ANKS1A: variants seen among roughly 807,000 people sequenced by gnomAD.
The protein encoded by ANKS1A is ankyrin repeat and SAM domain-containing protein 1A.
In ANKS1A, 55 loss-of-function variants were observed where a neutral mutation model predicts 120.3. The ratio of observed to expected loss-of-function variants is 0.46; its 90% confidence interval spans 0.37 to 0.57. ANKS1A has a LOEUF of 0.57. ANKS1A is among the 20% of genes least tolerant of loss of function. The probability of loss-of-function intolerance (pLI) is 0.00; values close to 1 mark genes in which losing one functional copy is unlikely to be tolerated. For missense variants in ANKS1A, 1,123 were observed against 1,480.3 expected (o/e 0.76, Z 3.96); for synonymous variants, 590 against 604.7 (o/e 0.98, Z 0.36).
chr6:35,094,458 A>T (rs1053424930), downstream of ANKS1A, among the ~76,000 whole-genome samples: 1 of 151,588 alleles, frequency 6.6e-6, no homozygotes. Context: ...AAAAAAAAAG[A>T]TATCAGCACC....
chr6:35,056,414 G>A (rs1356635107), intron 12 of ANKS1A, among the ~76,000 whole-genome samples: 4 of 152,074 alleles, frequency 2.6e-5, no homozygotes, highest in Admixed American at 6.5e-5. Flanking sequence ...TCAGCCTCCC[G>A]AGTAGCTGGG....
At chr6:35,066,565 G>T (rs189204365) in intron 13 of ANKS1A, among the ~76,000 whole-genome samples, 2 of 151,982 alleles carry the variant, frequency 1.3e-5, no homozygotes, top group African/African-American at 4.8e-5. Context: ...GAGTGGGGGG[G>T]TGCTTTCATG....
chr6:34,912,972 T>C (rs1334184842), intron 1 of ANKS1A, among the ~76,000 whole-genome samples: 1 of 152,188 alleles, frequency 6.6e-6, no homozygotes, highest in East Asian at 1.9e-4. Flanking sequence ...TGAGTTTCCT[T>C]TCCTGTCCTT....
At chr6:35,079,250 AC>A (rs34246457) in intron 14 of ANKS1A, among the ~76,000 whole-genome samples, 2,808 of 150,050 alleles carry the variant, frequency 0.019, 82 homozygotes, top group African/African-American at 0.063. Flanking sequence ...CGTTCTGCAG[AC>A]CCCCCCTCCC....
At chr6:35,074,271 C>T (rs1581739612) in intron 13 of ANKS1A, among the ~76,000 whole-genome samples, 1 of 152,324 alleles carries the variant, frequency 6.6e-6, no homozygotes. Flanking sequence ...CTCAGCTCAG[C>T]CGTTCGCTTT....
chr6:35,033,801 C>A (rs116020875), intron 11 of ANKS1A, among the ~76,000 whole-genome samples: 1 of 152,188 alleles, frequency 6.6e-6, no homozygotes, highest in African/African-American at 2.4e-5. Context: ...GATGCATTAA[C>A]GTCTCTCTGT....
chr6:35,097,066 A>G, the ANKS1A span, among the ~76,000 whole-genome samples: 10 of 152,000 alleles, frequency 6.6e-5, no homozygotes, highest in African/African-American at 1.7e-4. Flanking sequence ...AGGTCTTTCA[A>G]ATTAATGGCT....
At position 35,089,045 on chromosome 6, in the gene ANKS1A, G is replaced by A. The variant is rs1778156745; in HGVS notation, c.*436G>A. ...AGCCTCTGTCCTCAGGACGGAACTT[G>A]GGTGCAGCTCAGTGGGTCGGAAGAG... On this transcript the variant is annotated 3_prime_UTR_variant, in exon 24 of 24. Transcript: ENST00000360359. 3 of 1,084,584 alleles carry A rather than the reference G, an allele frequency of 2.8e-6. No individual in the cohort carries two copies. Among genetic ancestry groups the A allele is most frequent in the Non-Finnish European group, 3.4e-6 (3 of 888,264 alleles). 67.2% of individuals were successfully genotyped at this position (1,084,584 alleles called of 1,614,324 possible).
rs543552453 is a variant in ANKS1A, at chr6:35,054,654, TGACTCA to T, written c.2077+491_2077+496del. Among the ~76,000 whole-genome samples the T allele has an allele frequency of 2.4e-3, 370 of 152,324 alleles. 2 individuals carry two copies. Among genetic ancestry groups the T allele is most frequent in the African/African-American group, 8.4e-3 (348 of 41,582 alleles). On this transcript the variant is annotated intron_variant, in intron 12 of 23. Coordinates refer to ENST00000360359, the MANE Select transcript of ANKS1A (RefSeq NM_015245.3). Reference sequence around the variant, plus strand: ...TCCTCTTCCCACAGCTCCTTGTGCCTGACTCAGTTTACTTCATCACTTACCATTCTT... The same window carrying T: ...TCCTCTTCCCACAGCTCCTTGTGCCTGTTTACTTCATCACTTACCATTCTT...
At chr6:35,069,371 C>G (rs1330459420) in intron 13 of ANKS1A, among the ~76,000 whole-genome samples, 1 of 151,918 alleles carries the variant, frequency 6.6e-6, no homozygotes, top group Admixed American at 6.6e-5. Flanking sequence ...GGGTCAGGCT[C>G]TCAGCTCCAG....
At position 35,090,402 on chromosome 6, in the gene ANKS1A, G is replaced by T; in HGVS notation, c.*1793G>T. ...CACATCCAAGTGGGCCTCTGTCGGG[G>T]GCGGGGCGGTAGGTCCGAAAGAAAC... On this transcript the variant is annotated 3_prime_UTR_variant, in exon 24 of 24. Transcript: ENST00000360359. 1 of 1,213,034 alleles carries T rather than the reference G, an allele frequency of 8.2e-7. No individual in the cohort carries two copies. Among genetic ancestry groups the T allele is most frequent in the East Asian group, 5.8e-5 (1 of 17,338 alleles). The allele number at this position is 1,213,034 out of a possible 1,614,324, so 75.1% of individuals were successfully genotyped here. A position where few individuals can be genotyped will look rare whatever the true frequency, so the allele number is the denominator to read the frequency against.
chr6:35,056,947 C>T (rs921675344), intron 12 of ANKS1A, among the ~76,000 whole-genome samples: 1 of 151,920 alleles, frequency 6.6e-6, no homozygotes, highest in Non-Finnish European at 1.5e-5. Flanking sequence ...AATGGAATCA[C>T]TGTTTATTTT....
intron 1 of ANKS1A, among the ~76,000 whole-genome samples, chr6:34,959,707 C>A (rs1480812460): frequency 6.6e-6 from 1 of 152,136 alleles, no homozygotes; most frequent in Non-Finnish European, 1.5e-5. Flanking sequence ...CTTGCTTTTG[C>A]GATTCTTATT....
chr6:35,075,017 C>G (rs148601920), intron 13 of ANKS1A, among the ~76,000 whole-genome samples: 197 of 152,258 alleles, frequency 1.3e-3, no homozygotes, highest in Middle Eastern at 6.8e-3. Flanking sequence ...GAAAGAGGCC[C>G]AGAAATACAC....
chr6:34,936,055 C>A (rs1769238455), intron 1 of ANKS1A, among the ~76,000 whole-genome samples: 1 of 130,924 alleles, frequency 7.6e-6, no homozygotes, highest in South Asian at 2.6e-4. Flanking sequence ...GAGCGAGACT[C>A]CGTCTCAAAA....
chr6:35,073,953 C>T (rs779626202), intron 13 of ANKS1A, among the ~76,000 whole-genome samples: 1 of 152,240 alleles, frequency 6.6e-6, no homozygotes, highest in East Asian at 1.9e-4. Flanking sequence ...GAGGACCCCG[C>T]GCTGCGCCCG....
chr6:35,015,272 A>C (rs1188595695), intron 10 of ANKS1A, among the ~76,000 whole-genome samples: 1 of 152,182 alleles, frequency 6.6e-6, no homozygotes, highest in Non-Finnish European at 1.5e-5. Flanking sequence ...CAAGGCAGGC[A>C]GATCACTTGA....
intron 1 of ANKS1A, among the ~76,000 whole-genome samples, chr6:34,936,056 C>T (rs1208073736): frequency 2.6e-5 from 3 of 114,378 alleles, no homozygotes; most frequent in Non-Finnish European, 5.1e-5. Context: ...AGCGAGACTC[C>T]GTCTCAAAAA....
intron 6 of ANKS1A, 33 bp downstream of exon 6, chr6:34,983,247 G>A (rs76989831): frequency 0.023 from 37,881 of 1,612,282 alleles, 524 homozygotes; most frequent in Non-Finnish European, 0.029. Flanking sequence ...GGGTGACCAG[G>A]GGACACACGA....
Sources: allele counts gnomAD v4.1 joint callset (sites outside exome capture counted in the v4.1 genomes callset), GRCh38; gene constraint gnomAD v4.1.1; transcripts MANE v1.5; gene names NCBI Gene and HGNC (gene_info 2026-07-23, HGNC 2026-07-21).